Variants in UGGT2 observed in about 807,000 individuals in gnomAD.
UGGT2 encodes UDP-glucose:glycoprotein glucosyltransferase 2.
Under a neutral mutation model 192.1 loss-of-function variants are expected in UGGT2, and 180 were observed. The ratio of observed to expected loss-of-function variants is 0.94; its 90% CI spans 0.83 to 1.06. UGGT2 has a LOEUF of 1.06. Among genes scored for constraint, UGGT2 ranks in the 50% least tolerant of loss-of-function variants. The pLI is 0.00. For synonymous variants in UGGT2, 580 were observed against 591.0 expected (o/e 0.98, Z 0.27); for missense variants, 1,849 against 1,795.7 (o/e 1.03, Z -0.54).
Position 96,023,162 on chromosome 13 carries a change from C to A in UGGT2, c.373-10G>T. On this transcript the variant is annotated splice_polypyrimidine_tract_variant and intron_variant, in intron 3 of 38. Coordinates refer to ENST00000376747, the MANE Select transcript of UGGT2 (RefSeq NM_020121.4). ...GCTCATCAGCTGCAATCTAAGATTT[C>A]AAAGATTATATTTAGCTACAGCAGT... 1 of 1,561,658 alleles carries A rather than the reference C, an allele frequency of 6.4e-7. No homozygotes were observed. Among genetic ancestry groups the A allele is most frequent in the Non-Finnish European group, 8.7e-7 (1 of 1,152,586 alleles).
In UGGT2 at chr13:95,854,431, A is replaced by G. The variant is rs1889378604; in HGVS notation, c.4053T>C (p.Asp1351=). 1 of 1,612,096 alleles carries G rather than the reference A, an allele frequency of 6.2e-7. No individual in the cohort carries two copies. Among genetic ancestry groups the G allele is most frequent in the African/African-American group, 1.3e-5 (1 of 74,882 alleles). The part of the protein sequence containing the change: ...DLKELRDFDL[D]GAPYGYTPFC... ...ATGGAGTATACCCATAAGGAGCTCC[A>G]TCCAGATCGAAATCTCGAAGTTCTT... Residue 1351 remains aspartate (D), a synonymous_variant, in exon 35 of 39, where the codon GAT becomes GAC. Transcript: ENST00000376747.
chr13:95,827,925 C>T (rs80292040), intron 38 of UGGT2, among the ~76,000 whole-genome samples: 141 of 152,240 alleles, frequency 9.3e-4, no homozygotes, highest in East Asian at 6.6e-3. Context: ...CACAAAGTAA[C>T]CAATTCAGCA....
chr13:96,018,450 A>G (rs2052406119), intron 4 of UGGT2, among the ~76,000 whole-genome samples: 1 of 152,216 alleles, frequency 6.6e-6, no homozygotes, highest in South Asian at 2.1e-4. Context: ...TGGGAAGCAG[A>G]AGTTGCAGTA....
chr13:95,887,944 T>C lies in UGGT2; in HGVS notation c.2986A>G (p.Ile996Val), dbSNP rs1220808355. 2 of 1,604,312 alleles carry C rather than the reference T, an allele frequency of 1.2e-6. No homozygotes were observed. The highest frequency in any genetic ancestry group is 3.3e-5 in the Admixed American group (2 of 59,702). The change falls in exon 26 of 39, where the codon ATA becomes GTA. Residue 996 changes from isoleucine (I) to valine (V), a missense_variant. Coordinates refer to ENST00000376747, the MANE Select transcript of UGGT2 (RefSeq NM_020121.4). Reference sequence around the variant, plus strand: ...CCCCTACAGTTCATGAACAACTTTATCTTCATGTTGATAATCTTGCCAAGT... The same window carrying C: ...CCCCTACAGTTCATGAACAACTTTACCTTCATGTTGATAATCTTGCCAAGT... The part of the protein sequence containing the change: ...VVLGKIINMK[I>V]KLFMNCRGRL...
chr13:95,910,664 A>G (rs1268994949), intron 20 of UGGT2, among the ~76,000 whole-genome samples: 1 of 152,172 alleles, frequency 6.6e-6, no homozygotes, highest in African/African-American at 2.4e-5. Context: ...CCCACTGTCA[A>G]TATTAGACAG....
intron 38 of UGGT2, among the ~76,000 whole-genome samples, chr13:95,825,850 T>C (rs1594083111): frequency 6.6e-6 from 1 of 152,118 alleles, no homozygotes; most frequent in Admixed American, 6.6e-5. Context: ...CTGAATTCTT[T>C]TGTCCCACAG....
rs544630191 is a variant in UGGT2 at position 96,001,463 on chromosome 13, C to T, written c.661-2156G>A. On this transcript the variant is annotated intron_variant, in intron 5 of 38. Coordinates refer to ENST00000376747, the MANE Select transcript of UGGT2 (RefSeq NM_020121.4). ...TCCCTTCGCTGACTCTCTTTTCGGACTCAGCCCGCCTGCACCCAGGTGAAA... is the reference window on the plus strand; with the variant it reads ...TCCCTTCGCTGACTCTCTTTTCGGATTCAGCCCGCCTGCACCCAGGTGAAA... 7.2e-5 allele frequency among the ~76,000 whole-genome samples: 11 copies of T among 152,238 alleles called. 1 individual carries two copies. The South Asian group carries it at 1.5e-3, about 20-fold the overall frequency.
chr13:95,998,853 C>T (rs899440172), intron 6 of UGGT2, among the ~76,000 whole-genome samples: 4 of 152,030 alleles, frequency 2.6e-5, no homozygotes, highest in African/African-American at 7.2e-5. Flanking sequence ...CTTACATGGG[C>T]GAGACCCAGA....
chr13:96,050,296 GAT>G (rs955280074), intron 1 of UGGT2, among the ~76,000 whole-genome samples: 3 of 152,126 alleles, frequency 2.0e-5, no homozygotes, highest in African/African-American at 7.2e-5. Context: ...GCTGAAACTG[GAT>G]CCCTTCCTTA....
At chr13:95,989,517 T>A (rs1468975094) in intron 8 of UGGT2, 1 of 369,046 alleles carries the variant, frequency 2.7e-6, no homozygotes, top group Non-Finnish European at 5.7e-6. Context: ...AAGCTGTTCC[T>A]AACTTTGTAA....
rs1886114661 is a variant in UGGT2, at chr13:95,826,998, G to A, written c.4528+5929C>T. Among the ~76,000 whole-genome samples, 4 of 152,058 alleles carry A rather than the reference G, an allele frequency of 2.6e-5. No homozygotes were observed. The South Asian group carries it at 8.3e-4, about 32-fold the overall frequency. Reference sequence around the variant, plus strand: ...TGTACTTGGCACATGTATAGACAGAGACCAATGGAACGGAATAAAAAGGGC... The same window carrying A: ...TGTACTTGGCACATGTATAGACAGAAACCAATGGAACGGAATAAAAAGGGC... On this transcript the variant is annotated intron_variant, in intron 38 of 38. Transcript: ENST00000376747.
chr13:95,989,901 T>C (rs903840401), intron 8 of UGGT2, 72 bp downstream of exon 8: 1 of 907,626 alleles, frequency 1.1e-6, no homozygotes, highest in Non-Finnish European at 1.7e-6. Context: ...TATCATGTGA[T>C]ATATAAAAGC....
intron 29 of UGGT2, 42 bp downstream of exon 29, chr13:95,877,237 G>GT: frequency 2.8e-6 from 4 of 1,434,130 alleles, no homozygotes; most frequent in Non-Finnish European, 3.8e-6. Flanking sequence ...CACTAAAAAC[G>GT]TATTTATGTG....
At chr13:95,876,731 C>T (rs1332978802) in intron 29 of UGGT2, among the ~76,000 whole-genome samples, 1 of 152,140 alleles carries the variant, frequency 6.6e-6, no homozygotes, top group Non-Finnish European at 1.5e-5. Flanking sequence ...AGTGCTGTAA[C>T]AGCTTACCTC....
intron 1 of UGGT2, among the ~76,000 whole-genome samples, chr13:96,052,260 T>G (rs2053506994): frequency 6.6e-6 from 1 of 152,288 alleles, no homozygotes; most frequent in East Asian, 1.9e-4. Flanking sequence ...ATGTGGGAAC[T>G]AAGCTATGAG....
intron 16 of UGGT2, among the ~76,000 whole-genome samples, chr13:95,938,726 T>G (rs578128653): frequency 2.0e-5 from 3 of 152,310 alleles, no homozygotes; most frequent in Non-Finnish European, 2.9e-5. Context: ...CACTACCAGT[T>G]AGTTGTTCAG....
chr13:96,027,672 TG>T (rs1007450269), intron 2 of UGGT2, among the ~76,000 whole-genome samples: 3 of 152,142 alleles, frequency 2.0e-5, no homozygotes, highest in African/African-American at 7.2e-5. Context: ...GGGGACATTT[TG>T]GGGGTGGTTG....
chr13:95,924,996 A>G (rs2048974854), intron 20 of UGGT2, among the ~76,000 whole-genome samples: 1 of 152,220 alleles, frequency 6.6e-6, no homozygotes, highest in South Asian at 2.1e-4. Context: ...GTTAAGATAA[A>G]TGTTCACTGT....
At chr13:95,941,517 G>A (rs962671293) in intron 15 of UGGT2, among the ~76,000 whole-genome samples, 1 of 152,064 alleles carries the variant, frequency 6.6e-6, no homozygotes, top group African/African-American at 2.4e-5. Context: ...TCCATCTTTT[G>A]TAAAACATAA....
Sources: gnomAD v4.1 joint callset for allele counts (sites outside exome capture counted in the v4.1 genomes callset) on GRCh38, gnomAD v4.1.1 for gene constraint, MANE v1.5 for transcripts, NCBI Gene and HGNC (gene_info 2026-07-23, HGNC 2026-07-21) for gene names.